MYCBP2: variants seen among roughly 807,000 people sequenced by gnomAD.
MYCBP2 encodes the protein E3 ubiquitin-protein ligase MYCBP2.
MYCBP2 carries 120 observed loss-of-function variants against 525.3 expected under a neutral mutation model. The observed-to-expected ratio is 0.23, with a 90% CI of 0.20 to 0.27. MYCBP2 has a LOEUF of 0.27. Among genes scored for constraint, MYCBP2 ranks in the 10% least tolerant of loss-of-function variants. The pLI is 1.00. For synonymous variants in MYCBP2, 1,894 were observed against 1,955.8 expected, an observed-to-expected ratio of 0.97 and a Z score of 0.83; for missense variants, 4,149 against 5,657.1, an observed-to-expected ratio of 0.73 and a Z score of 8.55.
chr13:77,094,111 C>G (rs75543926), intron 58 of MYCBP2, among the ~76,000 whole-genome samples: 1 of 152,074 alleles, frequency 6.6e-6, no homozygotes, highest in African/African-American at 2.4e-5. Context: ...GTTGCTTATT[C>G]ATTTTATTGT....
In MYCBP2 at chr13:77,204,147, T is replaced by C. The variant is rs1593852478; in HGVS notation, c.3843+1109A>G. ...GGAGAAAATTTTTGCAACCTACTCA[T>C]CTGACAAAGGGCTAATATCCAGAAT... On this transcript the variant is annotated intron_variant, in intron 26 of 82. Transcript: ENST00000544440. Among the ~76,000 whole-genome samples the C allele has an allele frequency of 2.0e-5, 3 of 151,416 alleles. No homozygotes were observed. The East Asian group carries it at 5.8e-4, about 29-fold the overall frequency.
At chr13:77,089,781 A>G (rs1156333508) in intron 60 of MYCBP2, among the ~76,000 whole-genome samples, 1 of 151,952 alleles carries the variant, frequency 6.6e-6, no homozygotes, top group Non-Finnish European at 1.5e-5. Context: ...TGTGTACGTC[A>G]TTGGAACTCC....
intron 15 of MYCBP2, among the ~76,000 whole-genome samples, chr13:77,246,533 AAGGAGAAGGAGG>A (rs2070010533): frequency 6.6e-6 from 1 of 150,616 alleles, no homozygotes; most frequent in Admixed American, 6.6e-5. Flanking sequence ...GGAGGAAAAG[AAGGAGAAGGAGG>A]AGGAGGAGGA....
chr13:77,101,854 T>G (rs923783088), intron 55 of MYCBP2, among the ~76,000 whole-genome samples: 2 of 152,066 alleles, frequency 1.3e-5, no homozygotes, highest in African/African-American at 4.8e-5. Flanking sequence ...AGCATGTTAT[T>G]AAATATTACT....
intron 69 of MYCBP2, among the ~76,000 whole-genome samples, chr13:77,069,888 T>C (rs2040880293): frequency 6.6e-6 from 1 of 151,786 alleles, no homozygotes; most frequent in South Asian, 2.1e-4. Flanking sequence ...AAAGTTAGAA[T>C]AATAGGTTAA....
At chr13:77,292,803 C>T (rs1416668276) in intron 2 of MYCBP2, among the ~76,000 whole-genome samples, 1 of 151,554 alleles carries the variant, frequency 6.6e-6, no homozygotes, top group African/African-American at 2.4e-5. Flanking sequence ...ACTAAAAATA[C>T]AAAAATTAGC....
At chr13:77,158,159 T>C (rs2057437008) in intron 44 of MYCBP2, 50 bp from the exon 45 acceptor site, 1 of 1,267,800 alleles carries the variant, frequency 7.9e-7, no homozygotes, top group Non-Finnish European at 1.0e-6. Flanking sequence ...AAAACTTTAA[T>C]TACATAAAAT....
intron 55 of MYCBP2, chr13:77,100,298 A>T (rs2046875157): frequency 6.6e-6 from 1 of 152,104 alleles, no homozygotes; most frequent in African/African-American, 2.4e-5. Context: ...TCTATGGCTC[A>T]GGACAGTAGT....
At chr13:77,211,860 G>T in intron 22 of MYCBP2, 96 bp downstream of exon 22, 1 of 993,608 alleles carries the variant, frequency 1.0e-6, no homozygotes, top group Non-Finnish European at 1.5e-6. Flanking sequence ...AAAACAAAAA[G>T]CTACAAAAGT....
intron 1 of MYCBP2, among the ~76,000 whole-genome samples, chr13:77,306,580 G>A (rs1238807063): frequency 6.6e-6 from 1 of 152,162 alleles, no homozygotes; most frequent in African/African-American, 2.4e-5. Flanking sequence ...GAGCATAAGT[G>A]AGGGGAAGAG....
chr13:77,146,282 T>C, intron 47 of MYCBP2, 65 bp from the exon 48 acceptor site: 3 of 1,102,780 alleles, frequency 2.7e-6, no homozygotes, highest in Non-Finnish European at 3.9e-6. Flanking sequence ...ATTAACAGAG[T>C]AATATATTAT....
intron 55 of MYCBP2, among the ~76,000 whole-genome samples, chr13:77,120,712 T>C (rs1441562988): frequency 1.3e-5 from 2 of 152,144 alleles, no homozygotes; most frequent in Non-Finnish European, 1.5e-5. Context: ...ACCTCCAGCA[T>C]AAATTGTTTC....
intron 72 of MYCBP2, 36 bp downstream of exon 72, chr13:77,065,956 G>A (rs373559570): frequency 9.3e-6 from 14 of 1,504,546 alleles, no homozygotes; most frequent in East Asian, 4.5e-5. Context: ...GCTTCCTGCC[G>A]CACTTCACTG....
At chr13:77,303,230 G>A (rs1377977907) in intron 1 of MYCBP2, among the ~76,000 whole-genome samples, 1 of 152,224 alleles carries the variant, frequency 6.6e-6, no homozygotes, top group African/African-American at 2.4e-5. Flanking sequence ...CTACTCAGGA[G>A]GCTGAGGCAG....
chr13:77,158,589 G>A lies in MYCBP2; in HGVS notation c.6598-480C>T, dbSNP rs1056422957. Among the ~76,000 whole-genome samples, 17 of 152,210 alleles carry A rather than the reference G, an allele frequency of 1.1e-4. 1 individual carries two copies. The highest frequency in any genetic ancestry group is 1.0e-3 in the South Asian group (5 of 4,824). ...TCCCAAGTAGCTGGGACTTACAGGC[G>A]TATGCCACCATGGCTGGCTAATTTT... is the stretch of plus-strand genomic sequence containing the variant. On this transcript the variant is annotated intron_variant, in intron 44 of 82. Coordinates refer to ENST00000544440, the MANE Select transcript of MYCBP2 (RefSeq NM_015057.5).
intron 62 of MYCBP2, among the ~76,000 whole-genome samples, chr13:77,083,755 A>C (rs1343299524): frequency 1.3e-5 from 2 of 152,112 alleles, no homozygotes; most frequent in African/African-American, 4.8e-5. Flanking sequence ...CTATGGAATA[A>C]CTTTTTATTA....
At chr13:77,271,407 T>C (rs181791832) in intron 5 of MYCBP2, among the ~76,000 whole-genome samples, 60 of 152,304 alleles carry the variant, frequency 3.9e-4, no homozygotes, top group African/African-American at 1.3e-3. Context: ...TTAAACTCTC[T>C]GTTAAGCTTT....
intron 55 of MYCBP2, among the ~76,000 whole-genome samples, chr13:77,113,059 A>T (rs1032734895): frequency 1.1e-4 from 17 of 152,206 alleles, no homozygotes; most frequent in African/African-American, 4.1e-4. Context: ...AACAGTGCTT[A>T]GTACACTGCC....
At chr13:77,136,945 T>A (rs1332989202) in intron 52 of MYCBP2, among the ~76,000 whole-genome samples, 1 of 152,198 alleles carries the variant, frequency 6.6e-6, no homozygotes, top group Non-Finnish European at 1.5e-5. Context: ...TCTACTAGTA[T>A]CTTTCTTTTA....
Sources: gnomAD v4.1 joint callset for allele counts (sites outside exome capture counted in the v4.1 genomes callset) on GRCh38, gnomAD v4.1.1 for gene constraint, MANE v1.5 for transcripts, NCBI Gene and HGNC (gene_info 2026-07-23, HGNC 2026-07-21) for gene names.